Variants in ARHGAP42 observed in about 807,000 individuals in gnomAD.
The protein encoded by ARHGAP42 is Rho GTPase activating protein 42.
In ARHGAP42, 63 loss-of-function variants were observed where a neutral mutation model predicts 125.0. The ratio of observed to expected loss-of-function variants is 0.50; its 90% confidence interval spans 0.41 to 0.62. The LOEUF (loss-of-function observed/expected upper bound fraction) is 0.62. ARHGAP42 is among the 20% of genes least tolerant of loss of function. The pLI, the probability that ARHGAP42 is intolerant of heterozygous loss-of-function variation, is 0.00. For synonymous variants in ARHGAP42, 339 were observed against 351.0 expected (o/e 0.97, Z 0.38); for missense variants, 766 against 1,024.2 (o/e 0.75, Z 3.44).
intron 7 of ARHGAP42, among the ~76,000 whole-genome samples, chr11:100,935,488 T>G (rs986374328): frequency 6.6e-6 from 1 of 152,192 alleles, no homozygotes; most frequent in African/African-American, 2.4e-5. Flanking sequence ...CAAAAGTATA[T>G]GAATTTATTT....
At chr11:100,798,223 G>A (rs1347539484) in intron 3 of ARHGAP42, among the ~76,000 whole-genome samples, 1 of 152,216 alleles carries the variant, frequency 6.6e-6, no homozygotes, top group African/African-American at 2.4e-5. Context: ...CATAAACTTA[G>A]TTGAGAATGC....
rs1167383831 is a variant in ARHGAP42 at position 100,795,764 on chromosome 11, A to G, written c.312+598A>G. 2.0e-5 allele frequency among the ~76,000 whole-genome samples: 3 copies of G among 152,212 alleles called. No individual in the cohort carries two copies. The East Asian group carries it at 5.8e-4, about 29-fold the overall frequency. ...ATATCTGTGATGTTCTCTGTTTATGATGCAATGTCCTCATCTGTAATATGG... is the reference window on the plus strand; with the variant it reads ...ATATCTGTGATGTTCTCTGTTTATGGTGCAATGTCCTCATCTGTAATATGG... On this transcript the variant is annotated intron_variant, in intron 3 of 23. Transcript: ENST00000298815.
intron 1 of ARHGAP42, among the ~76,000 whole-genome samples, chr11:100,704,687 G>A (rs532370225): frequency 1.3e-5 from 2 of 151,956 alleles, no homozygotes; most frequent in East Asian, 1.9e-4. Flanking sequence ...ATGGTGGCTC[G>A]GTGGTTCATG....
chr11:100,746,832 G>T (rs1862318372), intron 1 of ARHGAP42, among the ~76,000 whole-genome samples: 1 of 152,172 alleles, frequency 6.6e-6, no homozygotes. Flanking sequence ...GTAAGGAAAG[G>T]AAAGGAAAAG....
chr11:100,836,403 C>A (rs188025240), intron 3 of ARHGAP42, among the ~76,000 whole-genome samples: 1 of 152,052 alleles, frequency 6.6e-6, no homozygotes, highest in African/African-American at 2.4e-5. Flanking sequence ...GAACAATCAG[C>A]CCTTTTGCTA....
intron 4 of ARHGAP42, among the ~76,000 whole-genome samples, chr11:100,872,284 C>T (rs1387605737): frequency 6.6e-6 from 1 of 152,168 alleles, no homozygotes; most frequent in Non-Finnish European, 1.5e-5. Context: ...AAAATCTCAG[C>T]AGCCCCTTAA....
At chr11:100,837,340 C>T (rs1864812920) in intron 3 of ARHGAP42, among the ~76,000 whole-genome samples, 1 of 151,862 alleles carries the variant, frequency 6.6e-6, no homozygotes, top group Non-Finnish European at 1.5e-5. Context: ...ACAATTTTGT[C>T]CTTTATATAT....
chr11:100,914,484 G>A (rs949060620), intron 5 of ARHGAP42, among the ~76,000 whole-genome samples: 2 of 150,268 alleles, frequency 1.3e-5, no homozygotes, highest in Admixed American at 1.3e-4. Flanking sequence ...TAAACAAACA[G>A]ACTCCCTTGC....
chr11:100,764,114 C>T (rs1862775892), intron 1 of ARHGAP42, among the ~76,000 whole-genome samples: 1 of 151,376 alleles, frequency 6.6e-6, no homozygotes, highest in African/African-American at 2.4e-5. Context: ...CCTTGAACTC[C>T]TTTGCTCAGT....
intron 1 of ARHGAP42, among the ~76,000 whole-genome samples, chr11:100,766,044 A>G (rs1432486599): frequency 1.3e-5 from 2 of 152,204 alleles, no homozygotes; most frequent in African/African-American, 4.8e-5. Flanking sequence ...CTCTAATGAA[A>G]TGAAGTTTTA....
chr11:100,935,475 T>C (rs1867709067), intron 7 of ARHGAP42, among the ~76,000 whole-genome samples: 1 of 152,198 alleles, frequency 6.6e-6, no homozygotes, highest in African/African-American at 2.4e-5. Context: ...ATGCCACATG[T>C]ATCAAAAGTA....
At chr11:100,922,195 C>A (rs897299167) in intron 6 of ARHGAP42, among the ~76,000 whole-genome samples, 1 of 152,144 alleles carries the variant, frequency 6.6e-6, no homozygotes, top group Non-Finnish European at 1.5e-5. Flanking sequence ...AGAGGGAAAA[C>A]CAACGGCTCT....
At chr11:100,957,656 A>G (rs1463985545) in intron 12 of ARHGAP42, among the ~76,000 whole-genome samples, 2 of 152,110 alleles carry the variant, frequency 1.3e-5, no homozygotes, top group Non-Finnish European at 2.9e-5. Context: ...GAATTGGTTG[A>G]TAATGTTGTA....
intron 1 of ARHGAP42, among the ~76,000 whole-genome samples, chr11:100,746,012 G>A (rs1862296131): frequency 6.6e-6 from 1 of 152,180 alleles, no homozygotes; most frequent in Non-Finnish European, 1.5e-5. Context: ...GCTTTATGAT[G>A]TCTTATTTTT....
intron 4 of ARHGAP42, among the ~76,000 whole-genome samples, chr11:100,872,539 G>T (rs1158642902): frequency 6.6e-6 from 1 of 151,984 alleles, no homozygotes; most frequent in East Asian, 1.9e-4. Flanking sequence ...GGTATTATAG[G>T]TCTGCACCAA....
At position 100,936,202 on chromosome 11, in the gene ARHGAP42, G is replaced by A; in HGVS notation, c.703-1G>A. ...GAAATTATTGTTTCTGTTTACTTAA[G>A]ACAAGGAATAATTTTGAAAGTACTC... On this transcript the variant is annotated splice_acceptor_variant, in intron 7 of 23. Transcript: ENST00000298815. LOFTEE classifies it high-confidence loss of function. 6.4e-7 allele frequency: 1 copy of A among 1,551,430 alleles called. No homozygotes were observed. The highest frequency in any genetic ancestry group is 8.7e-7 in the Non-Finnish European group (1 of 1,146,848).
intron 7 of ARHGAP42, among the ~76,000 whole-genome samples, chr11:100,934,879 A>G (rs1867690881): frequency 6.6e-6 from 1 of 152,222 alleles, no homozygotes; most frequent in Non-Finnish European, 1.5e-5. Flanking sequence ...TTCTAGCAGA[A>G]TCAATTTCAC....
At chr11:100,695,419 TC>T (rs1861259462) in intron 1 of ARHGAP42, among the ~76,000 whole-genome samples, 1 of 152,124 alleles carries the variant, frequency 6.6e-6, no homozygotes, top group Non-Finnish European at 1.5e-5. Context: ...TTCTCCTGCC[TC>T]AGCCTCCCAA....
In ARHGAP42 at chr11:100,751,277, G is replaced by GTT. The variant is rs756243174; in HGVS notation, c.155-19065_155-19064insTT. ...TGTGTTATATATATAGTGTGTGTGT[G>GTT]TGTTTTTTTTTTTTTTTTTTTTGAA... is the stretch of plus-strand genomic sequence containing the variant. On this transcript the variant is annotated intron_variant, in intron 1 of 23. Coordinates refer to ENST00000298815, the MANE Select transcript of ARHGAP42 (RefSeq NM_152432.4). 6.0e-3 allele frequency among the ~76,000 whole-genome samples: 728 copies of GTT among 121,504 alleles called. 15 individuals are homozygous for GTT. Among genetic ancestry groups the GTT allele is most frequent in the African/African-American group, 0.023 (691 of 29,578 alleles). 79.7% of individuals were successfully genotyped at this position (121,504 alleles called of 152,430 possible).
Sources: allele counts gnomAD v4.1 joint callset (sites outside exome capture counted in the v4.1 genomes callset), GRCh38; gene constraint gnomAD v4.1.1; transcripts MANE v1.5; gene names NCBI Gene and HGNC (gene_info 2026-07-23, HGNC 2026-07-21).